HDAC9: variants seen among roughly 807,000 people sequenced by gnomAD.
HDAC9 encodes the protein MEF-2 interacting transcription repressor (MITR) protein.
HDAC9 carries 41 observed loss-of-function variants against 139.4 expected under a neutral mutation model. The ratio of observed to expected loss-of-function variants is 0.29; its 90% confidence interval spans 0.23 to 0.38. The LOEUF (loss-of-function observed/expected upper bound fraction) is 0.38, where lower values mean the gene tolerates loss of function less well. Among genes scored for constraint, HDAC9 ranks in the 10% least tolerant of loss-of-function variants. The pLI is 1.00. For synonymous variants in HDAC9, 517 were observed against 476.2 expected (o/e 1.09, Z -1.12); for missense variants, 1,147 against 1,297.0 (o/e 0.88, Z 1.78).
chr7:18,199,698 C>T (rs925850982), intron 2 of HDAC9, among the ~76,000 whole-genome samples: 4 of 130,912 alleles, frequency 3.1e-5, no homozygotes, highest in African/African-American at 5.9e-5. Flanking sequence ...AGGAGGGCTG[C>T]TTGAGGTCAT....
chr7:18,092,062 G>A (rs1252914263), intron 1 of HDAC9, among the ~76,000 whole-genome samples: 2 of 152,186 alleles, frequency 1.3e-5, no homozygotes, highest in Admixed American at 6.5e-5. Context: ...TCAGCTTAGG[G>A]TATGTCCACC....
chr7:18,204,305 G>A (rs6975492), intron 2 of HDAC9, among the ~76,000 whole-genome samples: 3,363 of 148,064 alleles, frequency 0.023, 133 homozygotes, highest in African/African-American at 0.078. Context: ...ACAAATTATG[G>A]CACCACAAAT....
At chr7:18,386,685 T>C (rs1302486819) in intron 1 of HDAC9, among the ~76,000 whole-genome samples, 1 of 152,186 alleles carries the variant, frequency 6.6e-6, no homozygotes, top group Non-Finnish European at 1.5e-5. Flanking sequence ...TCAAAGCAAC[T>C]CATCACGATT....
intron 17 of HDAC9, among the ~76,000 whole-genome samples, chr7:18,814,132 A>G (rs146774553): frequency 1.8e-4 from 28 of 152,208 alleles, no homozygotes; most frequent in African/African-American, 6.7e-4. Flanking sequence ...CAGACTCTAC[A>G]TCACTCCCCG....
intron 17 of HDAC9, among the ~76,000 whole-genome samples, chr7:18,812,756 C>T (rs960191167): frequency 6.6e-6 from 1 of 151,840 alleles, no homozygotes; most frequent in Non-Finnish European, 1.5e-5. Context: ...TTTTTATGTC[C>T]TCTGTTTCTG....
chr7:18,156,041 C>T (rs960592682), intron 1 of HDAC9, among the ~76,000 whole-genome samples: 1 of 152,148 alleles, frequency 6.6e-6, no homozygotes, highest in Non-Finnish European at 1.5e-5. Flanking sequence ...ATCAGGAGCA[C>T]TGTGAGCACA....
chr7:18,730,667 G>T (rs140932034), intron 13 of HDAC9, among the ~76,000 whole-genome samples: 2 of 152,160 alleles, frequency 1.3e-5, no homozygotes, highest in Admixed American at 6.5e-5. Context: ...CTTTTCACAT[G>T]CTGTGGCCAT....
At chr7:18,917,702 T>A (rs556213919) in intron 22 of HDAC9, among the ~76,000 whole-genome samples, 1 of 152,172 alleles carries the variant, frequency 6.6e-6, no homozygotes, top group Admixed American at 6.5e-5. Flanking sequence ...TTTTTTCATG[T>A]ATTCACCTTA....
intron 1 of HDAC9, among the ~76,000 whole-genome samples, chr7:18,456,563 T>C (rs1793371587): frequency 6.6e-6 from 1 of 152,074 alleles, no homozygotes; most frequent in South Asian, 2.1e-4. Flanking sequence ...TTATATATAC[T>C]CACCACTTTC....
At chr7:18,308,118 C>T (rs188514867) in intron 1 of HDAC9, among the ~76,000 whole-genome samples, 7 of 152,264 alleles carry the variant, frequency 4.6e-5, no homozygotes, top group African/African-American at 1.7e-4. Flanking sequence ...AGAACTTTGC[C>T]TTAATTTATA....
chr7:18,747,362 G>C (rs1186982556), intron 13 of HDAC9, among the ~76,000 whole-genome samples: 1 of 152,162 alleles, frequency 6.6e-6, no homozygotes, highest in Admixed American at 6.5e-5. Context: ...ATTGTGTATG[G>C]TTTTGGCAGT....
At chr7:18,130,189 C>T (rs374536534) in intron 1 of HDAC9, among the ~76,000 whole-genome samples, 5 of 152,242 alleles carry the variant, frequency 3.3e-5, no homozygotes, top group Admixed American at 6.5e-5. Flanking sequence ...AATGCTCCAA[C>T]GAGCATCTCC....
intron 1 of HDAC9, among the ~76,000 whole-genome samples, chr7:18,096,417 GTATT>G (rs1782502400): frequency 6.6e-6 from 1 of 152,118 alleles, no homozygotes; most frequent in South Asian, 2.1e-4. Context: ...TTTGGTGGCA[GTATT>G]TAGTTTTTAA....
chr7:18,519,748 G>A (rs1332997057), intron 2 of HDAC9, among the ~76,000 whole-genome samples: 1 of 151,950 alleles, frequency 6.6e-6, no homozygotes, highest in African/African-American at 2.4e-5. Flanking sequence ...CCACTTAATT[G>A]GTATACAGAA....
At chr7:18,248,887 A>G (rs1794736163) in intron 2 of HDAC9, among the ~76,000 whole-genome samples, 1 of 152,256 alleles carries the variant, frequency 6.6e-6, no homozygotes, top group Admixed American at 6.5e-5. Flanking sequence ...TATTCAAAAA[A>G]TATATAAAGA....
chr7:18,148,606 G>A (rs951273716), intron 1 of HDAC9, among the ~76,000 whole-genome samples: 19 of 151,980 alleles, frequency 1.3e-4, no homozygotes, highest in African/African-American at 4.1e-4. Context: ...ACAGGCGCTC[G>A]CCACCACGCC....
At chr7:18,528,137 G>GAAAATA (rs1452974827) in intron 2 of HDAC9, among the ~76,000 whole-genome samples, 1 of 151,534 alleles carries the variant, frequency 6.6e-6, no homozygotes, top group Non-Finnish European at 1.5e-5. Flanking sequence ...CAGTCTCTAC[G>GAAAATA]AAAATAAAAA....
upstream of HDAC9, among the ~76,000 whole-genome samples, chr7:18,286,347 T>C (rs544847055): frequency 8.6e-5 from 13 of 150,744 alleles, no homozygotes; most frequent in African/African-American, 2.9e-4. Context: ...TGGTACATTT[T>C]TCTAAATTGT....
chr7:18,155,093 C>CTT (rs397889583), intron 1 of HDAC9, among the ~76,000 whole-genome samples: 4 of 141,712 alleles, frequency 2.8e-5, no homozygotes, highest in African/African-American at 7.9e-5. Context: ...TTCTTTCTTT[C>CTT]TTTTTTTTTT....
Sources: gnomAD v4.1 joint callset for allele counts (sites outside exome capture counted in the v4.1 genomes callset) on GRCh38, gnomAD v4.1.1 for gene constraint, MANE v1.5 for transcripts, NCBI Gene and HGNC (gene_info 2026-07-23, HGNC 2026-07-21) for gene names.